GDF2: variants seen among roughly 807,000 people sequenced by gnomAD.
The protein encoded by GDF2 is growth/differentiation factor 2.
In GDF2, 17 loss-of-function variants were observed where a neutral mutation model predicts 16.9. That is an observed-to-expected ratio of 1.00 (90% confidence interval 0.69 to 1.51). The LOEUF is 1.51. Ranked by LOEUF, GDF2 falls within the 40% of genes most tolerant of loss-of-function variation. The probability of loss-of-function intolerance (pLI) is 0.00; values close to 1 mark genes in which losing one functional copy is unlikely to be tolerated. For missense variants in GDF2, 523 were observed against 556.3 expected, an observed-to-expected ratio of 0.94 and a Z score of 0.60; for synonymous variants, 276 against 237.6, an observed-to-expected ratio of 1.16 and a Z score of -1.49.
rs191271906 is a variant in GDF2, at chr10:47,322,469, G to A, written c.-200G>A. The A allele has an allele frequency of 5.9e-6, 3 of 507,402 alleles. No individual in the cohort carries two copies. The highest frequency in any genetic ancestry group is 1.0e-5 in the Non-Finnish European group (3 of 288,874). The allele number at this position is 507,402 out of a possible 1,614,324, so 31.4% of individuals were successfully genotyped here. A position where few individuals can be genotyped will look rare whatever the true frequency, so the allele number is the denominator to read the frequency against. On this transcript the variant is annotated 5_prime_UTR_variant, in exon 1 of 2. Transcript: ENST00000581492. ...AGGCTCCCTCAGATAAGACGTCGGA[G>A]CGCGGCATCGAGGACCAGATAAGCA...
intron 1 of GDF2, among the ~76,000 whole-genome samples, chr10:47,324,365 G>A (rs1162755966): frequency 6.6e-6 from 1 of 152,140 alleles, no homozygotes; most frequent in African/African-American, 2.4e-5. Flanking sequence ...CATACACTCA[G>A]GATCTTCACT....
chr10:47,323,750 A>G (rs932465293), intron 1 of GDF2, among the ~76,000 whole-genome samples: 7 of 152,248 alleles, frequency 4.6e-5, no homozygotes, highest in Non-Finnish European at 1.0e-4. Flanking sequence ...GTACCCACCC[A>G]TGTCACCTAG....
rs782794726 is a variant in GDF2 at position 47,325,568 on chromosome 10, C to T, written c.1074C>T (p.Gly358=). The T allele has an allele frequency of 6.8e-6, 11 of 1,613,928 alleles. No homozygotes were observed. Among genetic ancestry groups the T allele is most frequent in the African/African-American group, 2.7e-5 (2 of 74,936 alleles). ...AGTATGAAGCCTACGAGTGTAAGGGCGGCTGCTTCTTCCCCTTGGCTGACG... is the reference window on the plus strand; with the variant it reads ...AGTATGAAGCCTACGAGTGTAAGGGTGGCTGCTTCTTCCCCTTGGCTGACG... ...PKEYEAYECK[G]GCFFPLADDV... Residue 358 remains glycine, a synonymous_variant, in exon 2 of 2, where the codon GGC becomes GGT. Transcript: ENST00000581492.
chr10:47,326,159 C>T lies in GDF2; in HGVS notation c.*375C>T, dbSNP rs544189337. The T allele has an allele frequency of 8.5e-5, 16 of 187,860 alleles. No individual in the cohort carries two copies. The highest frequency in any genetic ancestry group is 2.7e-4 in the Admixed American group (5 of 18,364). The allele number at this position is 187,860 out of a possible 1,614,324, so 11.6% of individuals were successfully genotyped here. A position where few individuals can be genotyped will look rare whatever the true frequency, so the allele number is the denominator to read the frequency against. On this transcript the variant is annotated 3_prime_UTR_variant, in exon 2 of 2. Transcript: ENST00000581492. ...GTTAGAGAGGTGGAGGAGGCCAGCT[C>T]GCTCCAAAACCCTTGGGGAGTAGAG...
At position 47,325,534 on chromosome 10, in the gene GDF2, C is replaced by T. The variant is rs782452633; in HGVS notation, c.1040C>T (p.Ala347Val). 45 of 1,613,774 alleles carry T rather than the reference C, an allele frequency of 2.8e-5. No homozygotes were observed. Among genetic ancestry groups the T allele is most frequent in the Non-Finnish European group, 3.8e-5 (45 of 1,180,046 alleles). The change falls in exon 2 of 2, where the codon GCA becomes GTA. Residue 347 changes from alanine (A) to valine (V), a missense_variant. Ala to Val is a moderately conservative substitution (Grantham distance 64, BLOSUM62 0). Coordinates refer to ENST00000581492, the MANE Select transcript of GDF2 (RefSeq NM_016204.4). ...ATCGGCTGGGACAGCTGGATCATTGCACCCAAGGAGTATGAAGCCTACGAG... is the reference window on the plus strand; with the variant it reads ...ATCGGCTGGGACAGCTGGATCATTGTACCCAAGGAGTATGAAGCCTACGAG... ...EDIGWDSWIIAPKEYEAYECK... is the reference protein window; with the variant it reads ...EDIGWDSWIIVPKEYEAYECK...
At chr10:47,324,764 TA>T in intron 1 of GDF2, 76 bp from the exon 2 acceptor site, 1 of 1,012,666 alleles carries the variant, frequency 9.9e-7, no homozygotes, top group Non-Finnish European at 1.5e-6. Flanking sequence ...CTCTTCTGTC[TA>T]AACCCTGAGA....
At position 47,325,586 on chromosome 10, in the gene GDF2, G is replaced by A. The variant is rs377747759; in HGVS notation, c.1092G>A (p.Leu364=). The part of the protein sequence containing the change: ...YECKGGCFFP[L]ADDVTPTKHA... Reference sequence around the variant, plus strand: ...GTAAGGGCGGCTGCTTCTTCCCCTTGGCTGACGATGTGACGCCGACGAAAC... The same window carrying A: ...GTAAGGGCGGCTGCTTCTTCCCCTTAGCTGACGATGTGACGCCGACGAAAC... Residue 364 remains leucine, a synonymous_variant, in exon 2 of 2, where the codon TTG becomes TTA. Transcript: ENST00000581492. 6.2e-7 allele frequency: 1 copy of A among 1,614,130 alleles called. No individual in the cohort carries two copies. Among genetic ancestry groups the A allele is most frequent in the Non-Finnish European group, 8.5e-7 (1 of 1,180,038 alleles).
rs1283158216 is a variant in GDF2 at position 47,326,005 on chromosome 10, G to A, written c.*221G>A. 7 of 452,520 alleles carry A rather than the reference G, an allele frequency of 1.5e-5. No individual in the cohort carries two copies. Among genetic ancestry groups the A allele is most frequent in the Non-Finnish European group, 2.3e-5 (6 of 258,516 alleles). The allele number at this position is 452,520 out of a possible 1,614,324, so 28.0% of individuals were successfully genotyped here. A position where few individuals can be genotyped will look rare whatever the true frequency, so the allele number is the denominator to read the frequency against. ...GATTTGAGCACAACAGGAAAGCCTG[G>A]GAGGGTTGTTGGGATGCAAGGAGGT... On this transcript the variant is annotated 3_prime_UTR_variant, in exon 2 of 2. Coordinates refer to ENST00000581492, the MANE Select transcript of GDF2 (RefSeq NM_016204.4).
Position 47,325,842 on chromosome 10 carries a change from A to C in GDF2, c.*58A>C. On this transcript the variant is annotated 3_prime_UTR_variant, in exon 2 of 2. Transcript: ENST00000581492. ...AGGGGCTCCACATGAGAGGTCCTGC[A>C]TGCCCCTGGGCACAACAAGGACTGA... 8.0e-7 allele frequency: 1 copy of C among 1,246,378 alleles called. No homozygotes were observed. The highest frequency in any genetic ancestry group is 1.1e-6 in the Non-Finnish European group (1 of 908,828). 77.2% of individuals were successfully genotyped at this position (1,246,378 alleles called of 1,614,324 possible). A position where few individuals can be genotyped will look rare whatever the true frequency, so the allele number is the denominator to read the frequency against.
chr10:47,325,020 C>A lies in GDF2; in HGVS notation c.526C>A (p.Leu176Met). 1 of 1,614,118 alleles carries A rather than the reference C, an allele frequency of 6.2e-7. No homozygotes were observed. The highest frequency in any genetic ancestry group is 8.5e-7 in the Non-Finnish European group (1 of 1,180,040). Residue 176 changes from leucine (L) to methionine (M), a missense_variant, in exon 2 of 2, where the codon CTG becomes ATG. Physicochemically the swap from Leu to Met is conservative, Grantham distance 15. Transcript: ENST00000581492. ...AGGAAGCGTGGTCATTTATGATGTTCTGGATGGAACAGATGCCTGGGATAG... is the reference window on the plus strand; with the variant it reads ...AGGAAGCGTGGTCATTTATGATGTTATGGATGGAACAGATGCCTGGGATAG... ...LKGSVVIYDV[L>M]DGTDAWDSAT...
rs1555209236 is a variant in GDF2 at position 47,327,364 on chromosome 10, T to C, written c.*1580T>C. 2.0e-5 allele frequency among the ~76,000 whole-genome samples: 3 copies of C among 152,184 alleles called. No individual in the cohort carries two copies. On this transcript the variant is annotated 3_prime_UTR_variant, in exon 2 of 2. Transcript: ENST00000581492. Reference sequence around the variant, plus strand: ...AGTGGGGGGTGGGGAAAACGTTATGTTAAATGTTTACATGGAACCAATGAA... The same window carrying C: ...AGTGGGGGGTGGGGAAAACGTTATGCTAAATGTTTACATGGAACCAATGAA...
In GDF2 at chr10:47,326,172, T is replaced by C; in HGVS notation, c.*388T>C. The C allele has an allele frequency of 5.5e-6, 1 of 180,634 alleles. No homozygotes were observed. The allele number at this position is 180,634 out of a possible 1,614,324, so 11.2% of individuals were successfully genotyped here. On this transcript the variant is annotated 3_prime_UTR_variant, in exon 2 of 2. Coordinates refer to ENST00000581492, the MANE Select transcript of GDF2 (RefSeq NM_016204.4). Reference sequence around the variant, plus strand: ...AGGAGGCCAGCTCGCTCCAAAACCCTTGGGGAGTAGAGGGAAGGAGCAGGC... The same window carrying C: ...AGGAGGCCAGCTCGCTCCAAAACCCCTGGGGAGTAGAGGGAAGGAGCAGGC...
In GDF2 at chr10:47,325,448, A is replaced by G. The variant is rs1270120324; in HGVS notation, c.954A>G (p.Lys318=). The G allele has an allele frequency of 6.2e-7, 1 of 1,613,730 alleles. No individual in the cohort carries two copies. Among genetic ancestry groups the G allele is most frequent in the Non-Finnish European group, 8.5e-7 (1 of 1,180,040 alleles). The change falls in exon 2 of 2, where the codon AAA becomes AAG. Residue 318 remains lysine (K), a synonymous_variant. Transcript: ENST00000581492. ...VAAGSTLARR[K]RSAGAGSHCQ... ...CGGGGTCGACTTTAGCCAGGCGGAAAAGGAGCGCCGGGGCTGGCAGCCACT... is the reference window on the plus strand; with the variant it reads ...CGGGGTCGACTTTAGCCAGGCGGAAGAGGAGCGCCGGGGCTGGCAGCCACT...
In GDF2 at chr10:47,325,623, C is replaced by T; in HGVS notation, c.1129C>T (p.Gln377Ter). The change falls in exon 2 of 2, where the codon CAG (glutamine) becomes TAG (stop). Residue 377 changes from glutamine (Q) to a stop codon, truncating the protein, a stop_gained. Coordinates refer to ENST00000581492, the MANE Select transcript of GDF2 (RefSeq NM_016204.4). LOFTEE classifies it high-confidence loss of function. ...GACGCCGACGAAACACGCTATCGTG[C>T]AGACCCTGGTGCATCTCAAGTTCCC... Reference protein sequence around the residue: ...DVTPTKHAIVQTLVHLKFPTK... With the variant: ...DVTPTKHAIV 6.2e-7 allele frequency: 1 copy of T among 1,614,162 alleles called. No homozygotes were observed. The highest frequency in any genetic ancestry group is 8.5e-7 in the Non-Finnish European group (1 of 1,180,008).
In GDF2 at chr10:47,325,089, G is replaced by A; in HGVS notation, c.595G>A (p.Asp199Asn). ...CTTCCTGGTGTCCCAGGACATTCAG[G>A]ATGAGGGCTGGGAGACCTTGGAAGT... ...KTFLVSQDIQDEGWETLEVSS... is the reference protein window; with the variant it reads ...KTFLVSQDIQNEGWETLEVSS... The change falls in exon 2 of 2, where the codon GAT (aspartate) becomes AAT (asparagine). Residue 199 changes from aspartate to asparagine, a missense_variant. Asp to Asn is a conservative substitution (Grantham distance 23, BLOSUM62 1). Coordinates refer to ENST00000581492, the MANE Select transcript of GDF2 (RefSeq NM_016204.4). The A allele has an allele frequency of 6.2e-7, 1 of 1,614,112 alleles. No individual in the cohort carries two copies. The highest frequency in any genetic ancestry group is 8.5e-7 in the Non-Finnish European group (1 of 1,180,036).
At chr10:47,323,860 A>G (rs1253276837) in intron 1 of GDF2, among the ~76,000 whole-genome samples, 3 of 152,234 alleles carry the variant, frequency 2.0e-5, no homozygotes, top group Non-Finnish European at 4.4e-5. Flanking sequence ...CCAGGAGCAC[A>G]GAGCCTCTCC....
rs1025377905 is a variant in GDF2 at position 47,322,887 on chromosome 10, T to G, written c.219T>G (p.Ser73Arg). 2 of 1,614,110 alleles carry G rather than the reference T, an allele frequency of 1.2e-6. No homozygotes were observed. Among genetic ancestry groups the G allele is most frequent in the Non-Finnish European group, 8.5e-7 (1 of 1,180,020 alleles). The change falls in exon 1 of 2, where the codon AGT becomes AGG. Residue 73 changes from serine (S) to arginine (R), a missense_variant. Transcript: ENST00000581492. ...ATTTCCTGCGCAGCCTTAACCTGAGTGGGGTCCCTTCGCAGGACAAAACCA... is the reference window on the plus strand; with the variant it reads ...ATTTCCTGCGCAGCCTTAACCTGAGGGGGGTCCCTTCGCAGGACAAAACCA... Reference protein sequence around the residue: ...KVDFLRSLNLSGVPSQDKTRV... With the variant: ...KVDFLRSLNLRGVPSQDKTRV...
chr10:47,322,463 G>C lies in GDF2; in HGVS notation c.-206G>C, dbSNP rs929898747. 1 of 501,120 alleles carries C rather than the reference G, an allele frequency of 2.0e-6. No homozygotes were observed. Among genetic ancestry groups the C allele is most frequent in the African/African-American group, 1.9e-5 (1 of 52,764 alleles). The allele number at this position is 501,120 out of a possible 1,614,324, so 31.0% of individuals were successfully genotyped here. On this transcript the variant is annotated 5_prime_UTR_variant, in exon 1 of 2. Transcript: ENST00000581492. ...AACGGAAGGCTCCCTCAGATAAGACGTCGGAGCGCGGCATCGAGGACCAGA... is the reference window on the plus strand; with the variant it reads ...AACGGAAGGCTCCCTCAGATAAGACCTCGGAGCGCGGCATCGAGGACCAGA...
intron 1 of GDF2, among the ~76,000 whole-genome samples, chr10:47,324,093 T>C (rs890951056): frequency 6.6e-6 from 1 of 152,240 alleles, no homozygotes; most frequent in Non-Finnish European, 1.5e-5. Context: ...AGGAGCGTGC[T>C]AATGACAAAG....
Sources: gnomAD v4.1 joint callset for allele counts (sites outside exome capture counted in the v4.1 genomes callset) on GRCh38, gnomAD v4.1.1 for gene constraint, MANE v1.5 for transcripts, NCBI Gene and HGNC (gene_info 2026-07-23, HGNC 2026-07-21) for gene names.